The following SLAMF8 variants were observed in gnomAD, a reference collection of about 807,000 sequenced individuals.
The protein encoded by SLAMF8 is B lymphocyte activator macrophage expressed.
Under a neutral mutation model 29.0 loss-of-function variants are expected in SLAMF8, and 23 were observed. The ratio of observed to expected loss-of-function variants is 0.79; its 90% CI spans 0.57 to 1.13. SLAMF8 has a LOEUF of 1.13. Among genes scored for constraint, SLAMF8 ranks in the 50% most tolerant of loss-of-function variants. The pLI is 0.00. For missense variants in SLAMF8, 381 were observed against 353.1 expected (o/e 1.08, Z -0.63); for synonymous variants, 139 against 145.6 (o/e 0.96, Z 0.32).
In SLAMF8 at chr1:159,832,887, A is replaced by G; in HGVS notation, c.379A>G (p.Arg127Gly). 1 of 1,613,654 alleles carries G rather than the reference A, an allele frequency of 6.2e-7. No individual in the cohort carries two copies. The highest frequency in any genetic ancestry group is 8.5e-7 in the Non-Finnish European group (1 of 1,179,548). ...LQLKVYDAVPRPVVQVFIAVE... is the reference protein window; with the variant it reads ...LQLKVYDAVPGPVVQVFIAVE... ...CTTTTCTTTCCCAGATGCAGTGCCC[A>G]GGCCCGTGGTACAAGTGTTCATTGC... Residue 127 changes from arginine to glycine, a missense_variant, in exon 3 of 5, where the codon AGG becomes GGG. By Grantham distance (125) the Arg-to-Gly change is moderately radical. Coordinates refer to ENST00000289707, the MANE Select transcript of SLAMF8 (RefSeq NM_020125.3).
chr1:159,832,859 G>T lies in SLAMF8; in HGVS notation c.368-17G>T, dbSNP rs1265293236. On this transcript the variant is annotated splice_polypyrimidine_tract_variant and intron_variant, in intron 2 of 4. Coordinates refer to ENST00000289707, the MANE Select transcript of SLAMF8 (RefSeq NM_020125.3). ...AGCATCCCTGAGACCCATACCAGCT[G>T]TACTTTTCTTTCCCAGATGCAGTGC... is the stretch of plus-strand genomic sequence containing the variant. The T allele has an allele frequency of 1.2e-6, 2 of 1,609,670 alleles. No homozygotes were observed. The highest frequency in any genetic ancestry group is 1.7e-6 in the Non-Finnish European group (2 of 1,176,586).
chr1:159,831,321 G>T (rs7516146), intron 2 of SLAMF8, among the ~76,000 whole-genome samples: 1 of 151,986 alleles, frequency 6.6e-6, no homozygotes, highest in East Asian at 1.9e-4. Context: ...GAATCCCCCC[G>T]AGACAGCTAA....
At chr1:159,831,624 AC>A (rs1401955026) in intron 2 of SLAMF8, among the ~76,000 whole-genome samples, 1 of 152,158 alleles carries the variant, frequency 6.6e-6, no homozygotes, top group Non-Finnish European at 1.5e-5. Flanking sequence ...CACCCACACC[AC>A]TAAGCTCTAA....
Position 159,837,164 on chromosome 1 carries a change from C to T in SLAMF8, c.*1904C>T, listed in dbSNP as rs1358208756. On this transcript the variant is annotated 3_prime_UTR_variant, in exon 5 of 5. Transcript: ENST00000289707. ...TCCACAAGGTGACTCTTAGCAACCT[C>T]ATTTCGACAGTGGTTTGTAGCGTGG... 4.1e-6 allele frequency: 4 copies of T among 985,346 alleles called. No homozygotes were observed. In the African/African-American group the frequency reaches 7.0e-5, roughly 17 times the overall value. The allele number at this position is 985,346 out of a possible 1,614,324, so 61.0% of individuals were successfully genotyped here.
chr1:159,833,495 C>G, intron 4 of SLAMF8, 126 bp downstream of exon 4: 1 of 1,364,032 alleles, frequency 7.3e-7, no homozygotes, highest in Non-Finnish European at 1.0e-6. Context: ...CACCTCATCT[C>G]TTGGCCTTCT....
chr1:159,836,022 G>A lies in SLAMF8; in HGVS notation c.*762G>A, dbSNP rs1368361469. ...CGCCTCCTGCAGGATCTGGGAGTGA[G>A]GGTGGAGAGTCTTTCCTCACGCTCC... On this transcript the variant is annotated 3_prime_UTR_variant, in exon 5 of 5. Transcript: ENST00000289707. 3 of 985,322 alleles carry A rather than the reference G, an allele frequency of 3.0e-6. No homozygotes were observed. The African/African-American group carries it at 5.2e-5, about 17-fold the overall frequency. The allele number at this position is 985,322 out of a possible 1,614,324, so 61.0% of individuals were successfully genotyped here. A position where few individuals can be genotyped will look rare whatever the true frequency, so the allele number is the denominator to read the frequency against.
intron 1 of SLAMF8, 135 bp from the exon 2 acceptor site, chr1:159,829,731 C>T (rs971122950): frequency 2.3e-6 from 2 of 863,244 alleles, no homozygotes; most frequent in African/African-American, 3.4e-5. Flanking sequence ...TGGTACCTAG[C>T]ACAGTGCAAC....
At chr1:159,827,834 G>A (rs1011028295) in intron 1 of SLAMF8, among the ~76,000 whole-genome samples, 4 of 150,846 alleles carry the variant, frequency 2.7e-5, no homozygotes, top group Admixed American at 2.6e-4. Flanking sequence ...AAAATAATTT[G>A]CCTTTTTTTT....
rs138504398 is a variant in SLAMF8, at chr1:159,829,851, G to C, written c.41-15G>C. The C allele has an allele frequency of 1.9e-6, 3 of 1,586,892 alleles. No individual in the cohort carries two copies. The highest frequency in any genetic ancestry group is 2.6e-6 in the Non-Finnish European group (3 of 1,164,842). On this transcript the variant is annotated splice_polypyrimidine_tract_variant and intron_variant, in intron 1 of 4. Transcript: ENST00000289707. ...TGTGGGGCAGGCAGAGTGACCAGGG[G>C]CTCTGTTCTTTCAGCCCTACTTCCC...
rs774238879 is a variant in SLAMF8, at chr1:159,830,122, CA to C, written c.299del (p.Asn100ThrfsTer5). ...LGPLESGDSG[N>X]FSVLMVDTRG... is the part of the protein sequence containing the mutation. The stretch of plus-strand genomic sequence containing the variant: ...GGCCGCTGGAGTCTGGAGACAGCGG[CA>C]ACTTCTCCGTGTTGATGGTGGACAC... On this transcript the variant is annotated frameshift_variant, in exon 2 of 5. Transcript: ENST00000289707. LOFTEE classifies it high-confidence loss of function. 28 of 1,614,050 alleles carry C rather than the reference CA, an allele frequency of 1.7e-5. No homozygotes were observed. The Middle Eastern group carries it at 4.9e-4, about 28-fold the overall frequency.
At chr1:159,831,479 C>T (rs903556046) in intron 2 of SLAMF8, among the ~76,000 whole-genome samples, 1 of 150,204 alleles carries the variant, frequency 6.7e-6, no homozygotes. Flanking sequence ...TACCCTGTGA[C>T]CCCCCTTAGC....
At position 159,836,171 on chromosome 1, in the gene SLAMF8, A is replaced by T; in HGVS notation, c.*911A>T. 1.0e-6 allele frequency: 1 copy of T among 985,426 alleles called. No homozygotes were observed. Among genetic ancestry groups the T allele is most frequent in the African/African-American group, 1.7e-5 (1 of 57,362 alleles). The allele number at this position is 985,426 out of a possible 1,614,324, so 61.0% of individuals were successfully genotyped here. On this transcript the variant is annotated 3_prime_UTR_variant, in exon 5 of 5. Coordinates refer to ENST00000289707, the MANE Select transcript of SLAMF8 (RefSeq NM_020125.3). ...CTGCCTGAAACTGAGAGAGTGAAGA[A>T]CCATAAAACGCTATGCAGAAGGAAC...
At chr1:159,827,035 TGAGA>T in intron 1 of SLAMF8, 97 bp downstream of exon 1, 2 of 1,479,674 alleles carry the variant, frequency 1.4e-6, no homozygotes, top group Non-Finnish European at 1.9e-6. Context: ...TCGACCTGGG[TGAGA>T]ACCCAGAAGC....
intron 1 of SLAMF8, 143 bp from the exon 2 acceptor site, chr1:159,829,723 G>A: frequency 2.7e-6 from 2 of 747,352 alleles, no homozygotes; most frequent in South Asian, 4.5e-5. Flanking sequence ...TTTATCCCTG[G>A]TACCTAGCAC....
At chr1:159,832,668 T>A (rs1647569317) in intron 2 of SLAMF8, among the ~76,000 whole-genome samples, 1 of 152,240 alleles carries the variant, frequency 6.6e-6, no homozygotes, top group South Asian at 2.1e-4. Context: ...GCTGGAGAGA[T>A]GGGCATGAAT....
rs931532708 is a variant in SLAMF8, at chr1:159,837,175, T to G, written c.*1915T>G. On this transcript the variant is annotated 3_prime_UTR_variant, in exon 5 of 5. Coordinates refer to ENST00000289707, the MANE Select transcript of SLAMF8 (RefSeq NM_020125.3). ...ACTCTTAGCAACCTCATTTCGACAG[T>G]GGTTTGTAGCGTGGTGCACCAGGGC... 6.1e-6 allele frequency: 6 copies of G among 985,306 alleles called. No homozygotes were observed. In the African/African-American group the frequency reaches 8.7e-5, roughly 14 times the overall value. 61.0% of individuals were successfully genotyped at this position (985,306 alleles called of 1,614,324 possible). A position where few individuals can be genotyped will look rare whatever the true frequency, so the allele number is the denominator to read the frequency against.
At position 159,830,207 on chromosome 1, in the gene SLAMF8, C is replaced by A; in HGVS notation, c.367+15C>A. 6.4e-7 allele frequency: 1 copy of A among 1,557,980 alleles called. No individual in the cohort carries two copies. Among genetic ancestry groups the A allele is most frequent in the Non-Finnish European group, 8.7e-7 (1 of 1,148,670 alleles). On this transcript the variant is annotated intron_variant, in intron 2 of 4. Coordinates refer to ENST00000289707, the MANE Select transcript of SLAMF8 (RefSeq NM_020125.3). ...CAAGGTGTACGGTGAGTGTGTCTGA[C>A]ACTGGCTGCCTGGCCCTCTTCCCCC...
rs571712878 is a variant in SLAMF8, at chr1:159,835,973, C to A, written c.*713C>A. 14 of 985,436 alleles carry A rather than the reference C, an allele frequency of 1.4e-5. No homozygotes were observed. The African/African-American group carries it at 2.3e-4, about 16-fold the overall frequency. 61.0% of individuals were successfully genotyped at this position (985,436 alleles called of 1,614,324 possible). A position where few individuals can be genotyped will look rare whatever the true frequency, so the allele number is the denominator to read the frequency against. ...CAGGAAACACCATATTAATAGACAT[C>A]CTCACCATCTCCATCCGCTCTCACG... On this transcript the variant is annotated 3_prime_UTR_variant, in exon 5 of 5. Coordinates refer to ENST00000289707, the MANE Select transcript of SLAMF8 (RefSeq NM_020125.3).
chr1:159,834,874 C>T (rs1647792828), intron 4 of SLAMF8: 1 of 276,222 alleles, frequency 3.6e-6, no homozygotes, highest in African/African-American at 2.2e-5. Flanking sequence ...GCAGGGAGTC[C>T]AGAAGCTGGT....
Sources: gnomAD v4.1 joint callset for allele counts (sites outside exome capture counted in the v4.1 genomes callset) on GRCh38, gnomAD v4.1.1 for gene constraint, MANE v1.5 for transcripts, NCBI Gene and HGNC (gene_info 2026-07-23, HGNC 2026-07-21) for gene names.